The following AGAP5 variants were observed in gnomAD, a reference collection of about 807,000 sequenced individuals.
The protein encoded by AGAP5 is arf-GAP with GTPase, ANK repeat and PH domain-containing protein 5.
AGAP5 carries 8 observed loss-of-function variants against 27.7 expected under a neutral mutation model. The observed-to-expected ratio is 0.29, with a 90% confidence interval of 0.17 to 0.52. AGAP5 has a LOEUF of 0.52. Among genes scored for constraint, AGAP5 ranks in the 20% least tolerant of loss-of-function variants. The pLI is 0.97. For missense variants in AGAP5, 285 were observed against 880.8 expected (o/e 0.32, Z 8.56); for synonymous variants, 111 against 338.0 (o/e 0.33, Z 7.37).
chr10:73,696,878 G>C (rs1381306490), intron 2 of AGAP5, among the ~76,000 whole-genome samples: 1 of 152,180 alleles, frequency 6.6e-6, no homozygotes. Context: ...AATAGGAACT[G>C]TCCTGAGATT....
chr10:73,690,480 G>A (rs1167131169), intron 4 of AGAP5, among the ~76,000 whole-genome samples: 20 of 151,944 alleles, frequency 1.3e-4, no homozygotes, highest in Admixed American at 1.2e-3. Flanking sequence ...GCGGAAGGCC[G>A]CAGGGTCCTC....
At chr10:73,681,524 G>GT in intron 5 of AGAP5, 1 of 948,398 alleles carries the variant, frequency 1.1e-6, no homozygotes, top group Non-Finnish European at 1.3e-6. Context: ...CTATTAATTT[G>GT]TTCAATAACT....
intron 1 of AGAP5, 53 bp from the exon 2 acceptor site, chr10:73,697,216 A>G (rs2082168393): frequency 1.9e-6 from 3 of 1,587,578 alleles, no homozygotes; most frequent in Admixed American, 1.7e-5. Flanking sequence ...ATAAAAATTT[A>G]TCAACTCATT....
At chr10:73,693,615 C>T (rs1027974475) in intron 3 of AGAP5, among the ~76,000 whole-genome samples, 2 of 151,300 alleles carry the variant, frequency 1.3e-5, no homozygotes, top group African/African-American at 4.9e-5. Context: ...AGGAGAATTG[C>T]TTGAACCTGG....
chr10:73,696,297 C>T (rs984425933), intron 2 of AGAP5, among the ~76,000 whole-genome samples: 2 of 152,116 alleles, frequency 1.3e-5, no homozygotes, highest in African/African-American at 4.8e-5. Context: ...GGATTACAGG[C>T]GTGAGCCACC....
intron 4 of AGAP5, among the ~76,000 whole-genome samples, chr10:73,685,797 C>T (rs1387931333): frequency 4.6e-5 from 7 of 152,048 alleles, no homozygotes; most frequent in Admixed American, 1.3e-4. Flanking sequence ...ATGATCCGTC[C>T]GCCTTAGCCT....
chr10:73,689,547 G>A (rs1300629731), intron 4 of AGAP5, among the ~76,000 whole-genome samples: 6 of 151,116 alleles, frequency 4.0e-5, no homozygotes, highest in Non-Finnish European at 5.9e-5. Context: ...AGTGAGGAGC[G>A]CCTCTTCCCG....
At chr10:73,677,609 C>T (rs1218483906) in intron 6 of AGAP5, among the ~76,000 whole-genome samples, 2 of 151,772 alleles carry the variant, frequency 1.3e-5, no homozygotes, top group South Asian at 2.1e-4. Context: ...TGGTCTTGAA[C>T]TCCTAACCTC....
chr10:73,680,509 C>A (rs1442121459), intron 5 of AGAP5, among the ~76,000 whole-genome samples: 3 of 117,108 alleles, frequency 2.6e-5, no homozygotes, highest in Non-Finnish European at 3.5e-5. Context: ...CCTCCACCAC[C>A]CAGGTTCAAG....
chr10:73,689,196 C>T (rs2082091098), intron 4 of AGAP5, among the ~76,000 whole-genome samples: 1 of 152,254 alleles, frequency 6.6e-6, no homozygotes, highest in Non-Finnish European at 1.5e-5. Context: ...GCTCTGTTGG[C>T]CGGGCTGGTC....
At chr10:73,687,239 T>C (rs114932504) in intron 4 of AGAP5, among the ~76,000 whole-genome samples, 1,565 of 152,356 alleles carry the variant, frequency 0.01, 18 homozygotes, top group African/African-American at 0.036. Flanking sequence ...TTTATATATG[T>C]TTTTAAAGAA....
rs776630165 is a variant in AGAP5 at position 73,697,628 on chromosome 10, G to T, written c.128C>A (p.Ala43Glu). The T allele has an allele frequency of 1.2e-6, 2 of 1,607,498 alleles. No homozygotes were observed. The highest frequency in any genetic ancestry group is 1.1e-5 in the South Asian group (1 of 91,032). ...EAGAGDRMAGAPMAAAVQPAE... is the reference protein window; with the variant it reads ...EAGAGDRMAGEPMAAAVQPAE... ...AGGCTGCACAGCAGCAGCCATGGGC[G>T]CTCCTGCCATCCTGTCCCCAGCTCC... Residue 43 changes from alanine to glutamate, a missense_variant, in exon 1 of 8, where the codon GCG (alanine) becomes GAG (glutamate). Ala to Glu is a moderately radical substitution (Grantham distance 107). Coordinates refer to ENST00000374094, the MANE Select transcript of AGAP5 (RefSeq NM_001144000.4).
intron 4 of AGAP5, among the ~76,000 whole-genome samples, chr10:73,688,759 G>A (rs1265279481): frequency 6.6e-6 from 1 of 152,080 alleles, no homozygotes; most frequent in Non-Finnish European, 1.5e-5. Flanking sequence ...TGCAGGTTTA[G>A]TAGCCTCAAT....
At chr10:73,685,755 G>T (rs2082058355) in intron 4 of AGAP5, among the ~76,000 whole-genome samples, 1 of 152,076 alleles carries the variant, frequency 6.6e-6, no homozygotes. Flanking sequence ...GTTTCACCAT[G>T]TTGGCCTGGC....
At chr10:73,676,213 T>G (rs2081977611) in intron 7 of AGAP5, 139 bp from the exon 8 acceptor site, 1 of 1,305,660 alleles carries the variant, frequency 7.7e-7, no homozygotes, top group African/African-American at 1.5e-5. Flanking sequence ...TCACAGCACT[T>G]TGGGAGGCCA....
intron 4 of AGAP5, among the ~76,000 whole-genome samples, chr10:73,690,677 A>T (rs2132456724): frequency 6.6e-6 from 1 of 152,122 alleles, no homozygotes; most frequent in South Asian, 2.1e-4. Context: ...TTCAACCTAG[A>T]GGTGTACTCT....
chr10:73,697,156 C>T lies in AGAP5; in HGVS notation c.231G>A (p.Glu77=), dbSNP rs1304068840. Residue 77 remains glutamate (E), a synonymous_variant, in exon 2 of 8, where the codon GAG becomes GAA. Coordinates refer to ENST00000374094, the MANE Select transcript of AGAP5 (RefSeq NM_001144000.4). ...IRDQEMPEAL[E]FSLSANPEAS... is the part of the protein sequence containing the mutation. Reference sequence around the variant, plus strand: ...CCTCTGGATTGGCAGAAAGGCTAAACTCCAAAGCTATATGTATAGAGGGAG... The same window carrying T: ...CCTCTGGATTGGCAGAAAGGCTAAATTCCAAAGCTATATGTATAGAGGGAG... The T allele has an allele frequency of 6.3e-7, 1 of 1,598,144 alleles. No homozygotes were observed. Among genetic ancestry groups the T allele is most frequent in the South Asian group, 1.1e-5 (1 of 90,994 alleles).
At chr10:73,685,834 AGC>A (rs2082058999) in intron 4 of AGAP5, among the ~76,000 whole-genome samples, 1 of 152,124 alleles carries the variant, frequency 6.6e-6, no homozygotes, top group Non-Finnish European at 1.5e-5. Context: ...TACAGGTGTG[AGC>A]CACCGTGCCT....
At chr10:73,688,133 C>T (rs1279976557) in intron 4 of AGAP5, among the ~76,000 whole-genome samples, 2 of 152,166 alleles carry the variant, frequency 1.3e-5, no homozygotes, top group East Asian at 1.9e-4. Flanking sequence ...CTGAGAATTT[C>T]TGGCTCAGAG....
Sources: gnomAD v4.1 joint callset for allele counts (sites outside exome capture counted in the v4.1 genomes callset) on GRCh38, gnomAD v4.1.1 for gene constraint, MANE v1.5 for transcripts, NCBI Gene and HGNC (gene_info 2026-07-23, HGNC 2026-07-21) for gene names.